Variants in TEC observed in about 807,000 individuals in gnomAD.
TEC encodes tyrosine-protein kinase Tec.
Under a neutral mutation model 93.0 loss-of-function variants are expected in TEC, and 72 were observed. The observed-to-expected ratio is 0.77, with a 90% CI of 0.64 to 0.94. The LOEUF is 0.94. TEC is among the 40% of genes least tolerant of loss of function. The pLI, the probability that TEC is intolerant of heterozygous loss-of-function variation, is 0.00. For synonymous variants in TEC, 249 were observed against 247.7 expected (o/e 1.01, Z -0.05); for missense variants, 630 against 757.9 (o/e 0.83, Z 1.98).
Position 48,145,461 on chromosome 4 carries a change from A to G in TEC, c.1200T>C (p.Ile400=). ...CCTCCTCGCACATTGCACCTTCCCG[A>G]ATAGCTTTGATTGCGACTTTGTACT... is the stretch of plus-strand genomic sequence containing the variant. The part of the protein sequence containing the change: ...RAQYKVAIKA[I]REGAMCEEDF... The change falls in exon 13 of 18, where the codon ATT becomes ATC. Residue 400 remains isoleucine, a synonymous_variant. Coordinates refer to ENST00000381501, the MANE Select transcript of TEC (RefSeq NM_003215.3). The G allele has an allele frequency of 6.2e-7, 1 of 1,614,136 alleles. No individual in the cohort carries two copies. Among genetic ancestry groups the G allele is most frequent in the Non-Finnish European group, 8.5e-7 (1 of 1,180,020 alleles).
intron 2 of TEC, among the ~76,000 whole-genome samples, chr4:48,207,618 CAAAA>C (rs34141042): frequency 2.0e-5 from 2 of 102,534 alleles, no homozygotes; most frequent in Non-Finnish European, 3.9e-5. Context: ...CATGTCTCTA[CAAAA>C]AAAAAAAAAA....
At chr4:48,224,427 G>A (rs1723373347) in intron 2 of TEC, among the ~76,000 whole-genome samples, 1 of 151,976 alleles carries the variant, frequency 6.6e-6, no homozygotes, top group South Asian at 2.1e-4. Flanking sequence ...GCTCTTCCTT[G>A]GTTCCCACCT....
At chr4:48,201,192 A>T (rs185963091) in intron 2 of TEC, among the ~76,000 whole-genome samples, 1 of 152,248 alleles carries the variant, frequency 6.6e-6, no homozygotes, top group African/African-American at 2.4e-5. Flanking sequence ...ATAAGTTGAG[A>T]CAGACTCTCA....
intron 2 of TEC, among the ~76,000 whole-genome samples, chr4:48,217,434 C>G (rs1045954016): frequency 6.6e-5 from 10 of 152,118 alleles, no homozygotes; most frequent in African/African-American, 2.4e-4. Context: ...TCCTAGTGAA[C>G]CATGCTACAA....
chr4:48,142,061 C>G (rs904866047), intron 14 of TEC, among the ~76,000 whole-genome samples: 2 of 152,218 alleles, frequency 1.3e-5, no homozygotes, highest in Non-Finnish European at 2.9e-5. Flanking sequence ...GAGAACATCT[C>G]TTGAAGTCCT....
intron 2 of TEC, among the ~76,000 whole-genome samples, chr4:48,199,462 T>C (rs1023404705): frequency 3.1e-5 from 4 of 128,532 alleles, no homozygotes; most frequent in African/African-American, 1.2e-4. Flanking sequence ...TTTCTTTTTT[T>C]TTTTTTTTTT....
chr4:48,217,622 C>T (rs182250809), intron 2 of TEC, among the ~76,000 whole-genome samples: 8 of 152,254 alleles, frequency 5.3e-5, no homozygotes, highest in Admixed American at 5.2e-4. Context: ...TAGTATGTAA[C>T]AAAGGACAGC....
At chr4:48,137,869 C>T (rs1321866058) in intron 17 of TEC, among the ~76,000 whole-genome samples, 1 of 152,214 alleles carries the variant, frequency 6.6e-6, no homozygotes, top group Non-Finnish European at 1.5e-5. Context: ...AATAGGGCCA[C>T]TGTCTCCACT....
At chr4:48,157,827 CT>C (rs1245272317) in intron 8 of TEC, among the ~76,000 whole-genome samples, 3 of 152,118 alleles carry the variant, frequency 2.0e-5, no homozygotes, top group Non-Finnish European at 2.9e-5. Flanking sequence ...TGTACCTCTT[CT>C]TATCCTTTGG....
chr4:48,179,674 C>T (rs1469112322), intron 2 of TEC, among the ~76,000 whole-genome samples: 3 of 151,706 alleles, frequency 2.0e-5, no homozygotes, highest in Non-Finnish European at 2.9e-5. Flanking sequence ...CAGGCGTGAG[C>T]ACTACATATA....
intron 2 of TEC, among the ~76,000 whole-genome samples, chr4:48,222,421 G>A (rs1421023141): frequency 1.3e-5 from 2 of 152,252 alleles, no homozygotes; most frequent in East Asian, 3.9e-4. Context: ...CCTAAAACTG[G>A]GGTTGGGAGC....
chr4:48,253,517 T>C (rs1472493386), intron 1 of TEC, among the ~76,000 whole-genome samples: 4 of 152,072 alleles, frequency 2.6e-5, no homozygotes, highest in Non-Finnish European at 5.9e-5. Context: ...TTCTTCCACC[T>C]GCATACTCCT....
intron 9 of TEC, chr4:48,153,334 A>G (rs7666766): frequency 6.6e-6 from 1 of 152,138 alleles, no homozygotes; most frequent in Non-Finnish European, 1.5e-5. Flanking sequence ...AAGTGCAACA[A>G]TTGCAGGAAA....
At chr4:48,247,183 C>T (rs556880945) in intron 1 of TEC, among the ~76,000 whole-genome samples, 6 of 152,142 alleles carry the variant, frequency 3.9e-5, no homozygotes, top group South Asian at 2.1e-4. Context: ...ATTGAAACGA[C>T]GAGATACCAC....
At position 48,177,884 on chromosome 4, in the gene TEC, T is replaced by C. The variant is rs146138264; in HGVS notation, c.139-1698A>G. On this transcript the variant is annotated intron_variant, in intron 2 of 17. Transcript: ENST00000381501. ...CTCATTTCTGCTCGCTCTCTCTCTC[T>C]TGCCTGCCGCCATGTAAGATGTGCC... 8.5e-5 allele frequency among the ~76,000 whole-genome samples: 13 copies of C among 152,318 alleles called. No homozygotes were observed. In the East Asian group the frequency reaches 1.5e-3, roughly 18 times the overall value.
chr4:48,249,126 G>A (rs529714935), intron 1 of TEC, among the ~76,000 whole-genome samples: 1 of 152,086 alleles, frequency 6.6e-6, no homozygotes, highest in Admixed American at 6.6e-5. Context: ...CAGTTTATGG[G>A]ATCATAAAAG....
intron 1 of TEC, among the ~76,000 whole-genome samples, chr4:48,233,789 T>C (rs1375402340): frequency 6.8e-6 from 1 of 146,744 alleles, no homozygotes; most frequent in South Asian, 2.1e-4. Context: ...AATGGAAAAG[T>C]TAGAACATAA....
intron 7 of TEC, among the ~76,000 whole-genome samples, chr4:48,164,739 C>T (rs1340718446): frequency 5.9e-5 from 9 of 152,096 alleles, no homozygotes; most frequent in African/African-American, 2.2e-4. Flanking sequence ...CAGTGGCTCA[C>T]GCCTGTAATC....
At chr4:48,160,318 TAATC>T (rs1720576719) in intron 8 of TEC, among the ~76,000 whole-genome samples, 2 of 152,172 alleles carry the variant, frequency 1.3e-5, no homozygotes, top group South Asian at 4.1e-4. Flanking sequence ...ACTGTTATGC[TAATC>T]AATGGGGTCC....
Sources: gnomAD v4.1 joint callset for allele counts (sites outside exome capture counted in the v4.1 genomes callset) on GRCh38, gnomAD v4.1.1 for gene constraint, MANE v1.5 for transcripts, NCBI Gene and HGNC (gene_info 2026-07-23, HGNC 2026-07-21) for gene names.